RASGRP2: variants seen among roughly 807,000 people sequenced by gnomAD.
The protein encoded by RASGRP2 is RAS guanyl-releasing protein 2.
A neutral mutation model predicts 71.0 loss-of-function variants in RASGRP2; 44 were observed. The ratio of observed to expected loss-of-function variants is 0.62; its 90% CI spans 0.49 to 0.80. The LOEUF (loss-of-function observed/expected upper bound fraction) is 0.80. Among genes scored for constraint, RASGRP2 ranks in the 30% least tolerant of loss-of-function variants. The pLI, the probability that RASGRP2 is intolerant of heterozygous loss-of-function variation, is 0.00. For missense variants in RASGRP2, 663 were observed against 813.4 expected (o/e 0.82, Z 2.25); for synonymous variants, 350 against 330.7 (o/e 1.06, Z -0.63).
chr11:64,736,625 A>C, intron 9 of RASGRP2, 128 bp downstream of exon 9: 1 of 1,081,092 alleles, frequency 9.2e-7, no homozygotes, highest in Non-Finnish European at 1.3e-6. Flanking sequence ...TCCAAACCCC[A>C]GAGCCCACGC....
upstream of RASGRP2, chr11:64,745,231 G>C (rs1425783625): frequency 6.6e-6 from 1 of 152,352 alleles, no homozygotes; most frequent in Non-Finnish European, 1.5e-5. Flanking sequence ...GGGAAGGGGC[G>C]CCCCGCCCAG....
chr11:64,740,433 G>A (rs1167984299), intron 5 of RASGRP2: 9 of 656,490 alleles, frequency 1.4e-5, no homozygotes, highest in East Asian at 3.2e-5. Flanking sequence ...TCCTGCCCTC[G>A]AGGAGCTCAC....
chr11:64,739,220 T>G lies in RASGRP2; in HGVS notation c.813+140A>C. On this transcript the variant is annotated intron_variant, in intron 8 of 16. Transcript: ENST00000394432. This position sits in a 1 kb window ranked among gnomAD's most constrained non-coding sequence, Gnocchi z 4.2. ...ACTCTGCTGTTGCCATTGTGCAAAC[T>G]GAGAAAAGCACTTAACCCCTCTGAG... 3 of 718,004 alleles carry G rather than the reference T, an allele frequency of 4.2e-6. No individual in the cohort carries two copies. Among genetic ancestry groups the G allele is most frequent in the Admixed American group, 2.1e-5 (1 of 47,906 alleles). 44.5% of individuals were successfully genotyped at this position (718,004 alleles called of 1,614,324 possible).
At position 64,739,605 on chromosome 11, in the gene RASGRP2, T is replaced by C; in HGVS notation, c.696+31A>G. The C allele has an allele frequency of 6.2e-7, 1 of 1,612,780 alleles. No homozygotes were observed. Among genetic ancestry groups the C allele is most frequent in the Non-Finnish European group, 8.5e-7 (1 of 1,179,080 alleles). On this transcript the variant is annotated intron_variant, in intron 7 of 16. Transcript: ENST00000394432. This position sits in a 1 kb window ranked among gnomAD's most constrained non-coding sequence, Gnocchi z 4.2. ...TTGGCCTGACTGGCATGTGGGGTGG[T>C]TGGGAGACACCGGGAGGGAGGGGCA...
Position 64,733,825 on chromosome 11 carries a change from G to C in RASGRP2, c.1412+1287C>G, listed in dbSNP as rs186251179. On this transcript the variant is annotated intron_variant, in intron 12 of 16. Coordinates refer to ENST00000394432, the MANE Select transcript of RASGRP2 (RefSeq NM_001098671.2). ...ACTTCTACCAGTGGAAAAGGAAAGA[G>C]GGGACTTTCATTTCTTCCTTTTTTT... Among the ~76,000 whole-genome samples the C allele has an allele frequency of 2.5e-3, 381 of 151,280 alleles. 2 individuals are homozygous for C. Among genetic ancestry groups the C allele is most frequent in the Non-Finnish European group, 4.4e-3 (296 of 67,954 alleles).
At chr11:64,741,415 T>A in intron 4 of RASGRP2, 24 bp downstream of exon 4, 1 of 1,525,044 alleles carries the variant, frequency 6.6e-7, no homozygotes. Flanking sequence ...GGGGAGGGGC[T>A]AGAGCCCCAG....
rs1387272965 is a variant in RASGRP2 at position 64,744,105 on chromosome 11, G to T, written c.-174C>A. 1 of 988,278 alleles carries T rather than the reference G, an allele frequency of 1.0e-6. No homozygotes were observed. The highest frequency in any genetic ancestry group is 1.1e-4 in the East Asian group (1 of 8,818). 61.2% of individuals were successfully genotyped at this position (988,278 alleles called of 1,614,324 possible). A position where few individuals can be genotyped will look rare whatever the true frequency, so the allele number is the denominator to read the frequency against. On this transcript the variant is annotated 5_prime_UTR_variant, in exon 1 of 17. Transcript: ENST00000394432. ...CCTTGAGTCCCGCGGCCACACAGGC[G>T]CTGACATCCTCACACGTGTGCACAC...
rs940926732 is a variant in RASGRP2, at chr11:64,729,927, G to A, written c.1554+126C>T. 1.7e-5 allele frequency: 26 copies of A among 1,548,446 alleles called. No homozygotes were observed. In the African/African-American group the frequency reaches 3.3e-4, roughly 20 times the overall value. On this transcript the variant is annotated intron_variant, in intron 13 of 16. Coordinates refer to ENST00000394432, the MANE Select transcript of RASGRP2 (RefSeq NM_001098671.2). ...CCCCGGGCAGAACCACAGGAGGAGA[G>A]GCAAATAGAATTACCAGGTTTTCCT...
At chr11:64,738,475 C>T (rs541530414) in intron 8 of RASGRP2, among the ~76,000 whole-genome samples, 2 of 152,150 alleles carry the variant, frequency 1.3e-5, no homozygotes, top group Admixed American at 1.3e-4. Flanking sequence ...CTCACTCTGT[C>T]GCCCAGGCTG....
chr11:64,737,278 A>G (rs2057973017), intron 8 of RASGRP2: 1 of 555,586 alleles, frequency 1.8e-6, no homozygotes. Flanking sequence ...GCAGGGAATC[A>G]TCAACATTTA....
intron 12 of RASGRP2, among the ~76,000 whole-genome samples, chr11:64,732,325 C>A (rs181479306): frequency 2.8e-3 from 426 of 150,810 alleles, no homozygotes; most frequent in Non-Finnish European, 4.9e-3. Context: ...GAGTTCAAGA[C>A]CAGCCTGGCC....
intron 12 of RASGRP2, among the ~76,000 whole-genome samples, chr11:64,733,592 T>C (rs2057833306): frequency 6.6e-6 from 1 of 152,160 alleles, no homozygotes; most frequent in South Asian, 2.1e-4. Flanking sequence ...GGAACTCAAC[T>C]ACCTCTGCCT....
chr11:64,738,109 G>GA (rs2058007342), intron 8 of RASGRP2, among the ~76,000 whole-genome samples: 1 of 152,166 alleles, frequency 6.6e-6, no homozygotes, highest in East Asian at 1.9e-4. Flanking sequence ...CAATGAAAAT[G>GA]AAAAAACAAT....
chr11:64,744,354 G>A, upstream of RASGRP2: 1 of 979,996 alleles, frequency 1.0e-6, no homozygotes, highest in Non-Finnish European at 1.2e-6. Flanking sequence ...GGAGGACAGG[G>A]GAGCTCCTGT....
intron 16 of RASGRP2, 38 bp from the exon 17 acceptor site, chr11:64,727,169 C>A (rs1012827460): frequency 1.3e-6 from 1 of 765,632 alleles, no homozygotes; most frequent in Non-Finnish European, 2.3e-6. Flanking sequence ...AAGACACCCC[C>A]CTAACAACAA....
intron 12 of RASGRP2, among the ~76,000 whole-genome samples, chr11:64,734,013 C>T (rs1303497584): frequency 6.6e-6 from 1 of 151,380 alleles, no homozygotes. Flanking sequence ...CACCCATGCC[C>T]AAAAAAAATT....
chr11:64,737,270 A>T, intron 8 of RASGRP2: 1 of 569,592 alleles, frequency 1.8e-6, no homozygotes, highest in Non-Finnish European at 3.1e-6. Context: ...GCCTGGATGC[A>T]GGGAATCATC....
chr11:64,741,670 T>G (rs1592387392), intron 3 of RASGRP2, 169 bp from the exon 4 acceptor site: 1 of 712,786 alleles, frequency 1.4e-6, no homozygotes, highest in Non-Finnish European at 2.5e-6. Context: ...GAGGTGGGGG[T>G]GGAGGACTAG....
chr11:64,743,451 A>C lies in RASGRP2; in HGVS notation c.-71-514T>G. The C allele has an allele frequency of 2.9e-6, 1 of 349,316 alleles. No individual in the cohort carries two copies. Among genetic ancestry groups the C allele is most frequent in the South Asian group, 2.1e-5 (1 of 48,056 alleles). 21.6% of individuals were successfully genotyped at this position (349,316 alleles called of 1,614,324 possible). The stretch of plus-strand genomic sequence containing the variant: ...CCGCCTCGCCCCCTCCCGGGAGCCC[A>C]GGAAGGCGAGGCGGGGCTGCGGCAG... On this transcript the variant is annotated intron_variant, in intron 1 of 16. Coordinates refer to ENST00000394432, the MANE Select transcript of RASGRP2 (RefSeq NM_001098671.2). This position sits in a 1 kb window ranked among gnomAD's most constrained non-coding sequence, Gnocchi z 4.9.
Sources: gnomAD v4.1 joint callset for allele counts (sites outside exome capture counted in the v4.1 genomes callset) on GRCh38, gnomAD v4.1.1 for gene constraint, Gnocchi (gnomAD v3.1) non-coding constraint, MANE v1.5 for transcripts, NCBI Gene and HGNC (gene_info 2026-07-23, HGNC 2026-07-21) for gene names.